The following SEZ6L variants were observed in gnomAD, a reference collection of about 807,000 sequenced individuals.
SEZ6L encodes the protein seizure related 6 homolog like.
Under a neutral mutation model 106.2 loss-of-function variants are expected in SEZ6L, and 37 were observed. The ratio of observed to expected loss-of-function variants is 0.35; its 90% confidence interval spans 0.27 to 0.46. The LOEUF is 0.46. Ranked by LOEUF, SEZ6L falls within the 20% of genes least tolerant of loss-of-function variation. SEZ6L has a pLI of 1.00. For missense variants in SEZ6L, 1,172 were observed against 1,332.8 expected (o/e 0.88, Z 1.88); for synonymous variants, 541 against 570.4 (o/e 0.95, Z 0.73).
Position 26,280,267 on chromosome 22 carries a change from TAC to T in SEZ6L, c.95-12135_95-12134del, listed in dbSNP as rs199924256. Among the ~76,000 whole-genome samples, 664 of 96,082 alleles carry T rather than the reference TAC, an allele frequency of 6.9e-3. 7 individuals are homozygous for T. The highest frequency in any genetic ancestry group is 0.035 in the African/African-American group (638 of 18,488). The allele number at this position is 96,082 out of a possible 152,430, so 63.0% of individuals were successfully genotyped here. On this transcript the variant is annotated intron_variant, in intron 1 of 16. Coordinates refer to ENST00000248933, the MANE Select transcript of SEZ6L (RefSeq NM_021115.5). The stretch of plus-strand genomic sequence containing the variant: ...CCCTATAAATACATACGTACATTTA[TAC>T]ACATATATATATACATATATATGCA...
intron 11 of SEZ6L, among the ~76,000 whole-genome samples, chr22:26,350,378 C>T (rs2083235294): frequency 6.6e-6 from 1 of 151,740 alleles, no homozygotes; most frequent in Non-Finnish European, 1.5e-5. Context: ...CAGGTGTACC[C>T]CACCATGCCC....
At chr22:26,329,355 C>G (rs1177915403) in intron 9 of SEZ6L, among the ~76,000 whole-genome samples, 2 of 152,092 alleles carry the variant, frequency 1.3e-5, no homozygotes, top group Non-Finnish European at 2.9e-5. Flanking sequence ...GTAGTTCCAG[C>G]TACTCTGGAG....
intron 1 of SEZ6L, among the ~76,000 whole-genome samples, chr22:26,183,724 A>C (rs1211920036): frequency 6.6e-6 from 1 of 152,162 alleles, no homozygotes. Flanking sequence ...ATGTGGGAAA[A>C]TATATCCTGA....
rs116719976 is a variant in SEZ6L, at chr22:26,374,502, T to C, written c.2827+1019T>C. On this transcript the variant is annotated intron_variant, in intron 14 of 16. Coordinates refer to ENST00000248933, the MANE Select transcript of SEZ6L (RefSeq NM_021115.5). Reference sequence around the variant, plus strand: ...TTGGAAAACAGAGGGCACTTCGTGTTAGTCTCCATTCAGAGTATCCTTTTT... The same window carrying C: ...TTGGAAAACAGAGGGCACTTCGTGTCAGTCTCCATTCAGAGTATCCTTTTT... 9.2e-3 allele frequency among the ~76,000 whole-genome samples: 1,398 copies of C among 152,334 alleles called. 19 individuals carry two copies. Among genetic ancestry groups the C allele is most frequent in the African/African-American group, 0.032 (1,325 of 41,566 alleles).
At chr22:26,332,950 T>A (rs1834930874) in intron 9 of SEZ6L, among the ~76,000 whole-genome samples, 2 of 152,206 alleles carry the variant, frequency 1.3e-5, no homozygotes. Flanking sequence ...ATCTGTATAA[T>A]GGAGCAAGTC....
intron 1 of SEZ6L, among the ~76,000 whole-genome samples, chr22:26,269,916 G>A (rs928355536): frequency 2.6e-5 from 4 of 152,132 alleles, no homozygotes; most frequent in African/African-American, 9.7e-5. Flanking sequence ...AAAGGAAAAG[G>A]ACCAGAAAAA....
chr22:26,217,695 G>T (rs145902011), intron 1 of SEZ6L, among the ~76,000 whole-genome samples: 3 of 152,236 alleles, frequency 2.0e-5, no homozygotes, highest in African/African-American at 7.2e-5. Context: ...GGATGACAAG[G>T]CCCCACGGTT....
intron 9 of SEZ6L, among the ~76,000 whole-genome samples, chr22:26,328,409 A>T (rs1309454201): frequency 6.6e-6 from 1 of 152,234 alleles, no homozygotes; most frequent in Non-Finnish European, 1.5e-5. Context: ...AGGTGGGAAC[A>T]CTGAGGCTCA....
intron 1 of SEZ6L, among the ~76,000 whole-genome samples, chr22:26,239,626 A>T (rs1395757502): frequency 1.3e-5 from 2 of 151,864 alleles, no homozygotes; most frequent in Admixed American, 6.6e-5. Flanking sequence ...CAGACCCCTG[A>T]CTCCAACCCC....
chr22:26,219,254 G>GGGTTTT (rs751642128), intron 1 of SEZ6L, among the ~76,000 whole-genome samples: 2 of 135,084 alleles, frequency 1.5e-5, no homozygotes, highest in Non-Finnish European at 3.1e-5. Context: ...AGAAATACAA[G>GGGTTTT]TTTTTTTTTT....
chr22:26,292,282 T>C, intron 1 of SEZ6L, 124 bp from the exon 2 acceptor site: 1 of 646,658 alleles, frequency 1.5e-6, no homozygotes, highest in Non-Finnish European at 2.6e-6. Flanking sequence ...AAGGAGAAGT[T>C]GGTTTAGAGG....
At chr22:26,235,468 G>C (rs897402245) in intron 1 of SEZ6L, among the ~76,000 whole-genome samples, 1 of 152,192 alleles carries the variant, frequency 6.6e-6, no homozygotes, top group African/African-American at 2.4e-5. Context: ...AGCCACTGCT[G>C]CTGCCCTCAG....
intron 13 of SEZ6L, among the ~76,000 whole-genome samples, chr22:26,373,106 T>C (rs2084095534): frequency 6.6e-6 from 1 of 152,190 alleles, no homozygotes; most frequent in Admixed American, 6.5e-5. Context: ...ATCTGTAAAA[T>C]GGGGATGATA....
intron 1 of SEZ6L, among the ~76,000 whole-genome samples, chr22:26,269,761 C>G (rs545797696): frequency 2.0e-4 from 30 of 152,192 alleles, no homozygotes; most frequent in Non-Finnish European, 3.4e-4. Context: ...TGCTATCTGC[C>G]AGGGCCTGGC....
intron 9 of SEZ6L, among the ~76,000 whole-genome samples, chr22:26,334,300 C>A (rs144188238): frequency 1.8e-4 from 28 of 152,268 alleles, no homozygotes; most frequent in African/African-American, 6.7e-4. Context: ...CACCCCCTAA[C>A]CCTTGATAAC....
Position 26,358,708 on chromosome 22 carries a change from G to A in SEZ6L, c.2600-6664G>A, listed in dbSNP as rs986529583. Among the ~76,000 whole-genome samples, 6 of 152,258 alleles carry A rather than the reference G, an allele frequency of 3.9e-5. No individual in the cohort carries two copies. The South Asian group carries it at 6.2e-4, about 16-fold the overall frequency. On this transcript the variant is annotated intron_variant, in intron 12 of 16. Coordinates refer to ENST00000248933, the MANE Select transcript of SEZ6L (RefSeq NM_021115.5). ...GCTGGAGTTACACCAGTTGCAACCC[G>A]AATTGTTTAAAACATTCGACCAGTG...
intron 1 of SEZ6L, among the ~76,000 whole-genome samples, chr22:26,230,815 G>C (rs2145744578): frequency 6.6e-6 from 1 of 152,346 alleles, no homozygotes; most frequent in South Asian, 2.1e-4. Context: ...CTTAGGAGGG[G>C]AAGATTTTGA....
intron 4 of SEZ6L, among the ~76,000 whole-genome samples, chr22:26,297,621 C>G (rs1473736328): frequency 6.6e-6 from 1 of 152,086 alleles, no homozygotes; most frequent in Non-Finnish European, 1.5e-5. Flanking sequence ...TGATAAAGAG[C>G]CTTAACAGGG....
intron 1 of SEZ6L, among the ~76,000 whole-genome samples, chr22:26,218,925 G>C (rs1039291106): frequency 3.9e-5 from 6 of 152,006 alleles, no homozygotes; most frequent in Non-Finnish European, 7.4e-5. Flanking sequence ...GCAACGGAAT[G>C]AGACTCTGTC....
Sources: allele counts gnomAD v4.1 joint callset (sites outside exome capture counted in the v4.1 genomes callset), GRCh38; gene constraint gnomAD v4.1.1; transcripts MANE v1.5; gene names NCBI Gene and HGNC (gene_info 2026-07-23, HGNC 2026-07-21).